Variants in CCSER1 observed in about 807,000 individuals in gnomAD.
CCSER1 encodes coiled-coil serine rich protein 1, also known as serine-rich coiled-coil domain-containing protein 1.
In CCSER1, 41 loss-of-function variants were observed where a neutral mutation model predicts 82.0. That is an observed-to-expected ratio of 0.50 (90% confidence interval 0.39 to 0.65). CCSER1 has a LOEUF of 0.65. Among genes scored for constraint, CCSER1 ranks in the 30% least tolerant of loss-of-function variants. The pLI is 0.00. For missense variants in CCSER1, 1,119 were observed against 1,064.2 expected, an observed-to-expected ratio of 1.05 and a Z score of -0.72; for synonymous variants, 414 against 383.9, an observed-to-expected ratio of 1.08 and a Z score of -0.92.
At chr4:90,822,843 ACTTTAATAACAGCC>A (rs1759946446) in intron 8 of CCSER1, among the ~76,000 whole-genome samples, 1 of 152,168 alleles carries the variant, frequency 6.6e-6, no homozygotes, top group African/African-American at 2.4e-5. Flanking sequence ...TAAAATAAAC[ACTTTAATAACAGCC>A]CTTAATAACA....
chr4:91,276,189 G>T (rs1467504884), intron 10 of CCSER1, among the ~76,000 whole-genome samples: 10 of 149,756 alleles, frequency 6.7e-5, no homozygotes, highest in Admixed American at 6.6e-4. Context: ...TTCTATTTCT[G>T]TGAAAAATGA....
chr4:91,432,941 G>A (rs1005058959), intron 10 of CCSER1, among the ~76,000 whole-genome samples: 4 of 152,034 alleles, frequency 2.6e-5, no homozygotes, highest in African/African-American at 9.7e-5. Context: ...GATCTAATAC[G>A]AGTATGTATG....
intron 1 of CCSER1, among the ~76,000 whole-genome samples, chr4:90,287,788 C>A (rs1730176888): frequency 6.6e-6 from 1 of 151,804 alleles, no homozygotes; most frequent in Non-Finnish European, 1.5e-5. Flanking sequence ...AAAGAAATTA[C>A]TTACAAGTAA....
chr4:91,325,548 G>C (rs1383450024), intron 10 of CCSER1, among the ~76,000 whole-genome samples: 1 of 152,282 alleles, frequency 6.6e-6, no homozygotes, highest in African/African-American at 2.4e-5. Flanking sequence ...ATCAACATAA[G>C]CTTTGGGCCA....
chr4:91,069,229 G>A (rs1001578388), intron 9 of CCSER1, among the ~76,000 whole-genome samples: 1 of 152,066 alleles, frequency 6.6e-6, no homozygotes, highest in African/African-American at 2.4e-5. Context: ...GAATTTTATA[G>A]CCAATAGAGA....
chr4:91,066,773 C>A (rs956664560), intron 9 of CCSER1, among the ~76,000 whole-genome samples: 12 of 152,104 alleles, frequency 7.9e-5, no homozygotes, highest in African/African-American at 2.9e-4. Context: ...TTTTTCCATG[C>A]TAACATTCTA....
At chr4:90,157,021 C>T (rs913622600) in intron 1 of CCSER1, among the ~76,000 whole-genome samples, 1 of 152,138 alleles carries the variant, frequency 6.6e-6, no homozygotes, top group Non-Finnish European at 1.5e-5. Context: ...CCTGTTGTTC[C>T]TTTCCATGTT....
intron 3 of CCSER1, among the ~76,000 whole-genome samples, chr4:90,339,051 T>C (rs185050960): frequency 6.6e-6 from 1 of 152,342 alleles, no homozygotes; most frequent in Admixed American, 6.5e-5. Context: ...TTTTCATAAA[T>C]TGTTTATATA....
At chr4:91,109,633 A>T (rs777622167) in intron 10 of CCSER1, among the ~76,000 whole-genome samples, 24 of 152,192 alleles carry the variant, frequency 1.6e-4, no homozygotes, top group Non-Finnish European at 3.2e-4. Context: ...TGTTGAAAAT[A>T]ATAGTTCAAG....
chr4:90,476,890 T>G (rs932772594), intron 5 of CCSER1, among the ~76,000 whole-genome samples: 5 of 152,186 alleles, frequency 3.3e-5, no homozygotes, highest in African/African-American at 1.2e-4. Flanking sequence ...TTCAGATAAG[T>G]TGGGACAACC....
At chr4:90,833,903 C>A (rs1761456931) in intron 8 of CCSER1, among the ~76,000 whole-genome samples, 1 of 152,046 alleles carries the variant, frequency 6.6e-6, no homozygotes, top group Non-Finnish European at 1.5e-5. Context: ...TATTATAAAG[C>A]TAATTCAGCC....
At chr4:90,819,999 A>C (rs1759522964) in intron 8 of CCSER1, among the ~76,000 whole-genome samples, 1 of 152,212 alleles carries the variant, frequency 6.6e-6, no homozygotes, top group African/African-American at 2.4e-5. Context: ...AAACTAGTTC[A>C]CAGCATGGAA....
At chr4:91,307,952 T>A (rs917868182) in intron 10 of CCSER1, among the ~76,000 whole-genome samples, 4 of 134,614 alleles carry the variant, frequency 3.0e-5, no homozygotes, top group Non-Finnish European at 4.8e-5. Flanking sequence ...GTTTTCCTCA[T>A]GATCTGAGAG....
At chr4:91,211,266 G>A (rs186767050) in intron 10 of CCSER1, among the ~76,000 whole-genome samples, 70 of 152,154 alleles carry the variant, frequency 4.6e-4, no homozygotes, top group South Asian at 1.2e-3. Flanking sequence ...AGCAAGTGGT[G>A]AGAATCTGTT....
intron 6 of CCSER1, among the ~76,000 whole-genome samples, chr4:90,656,827 G>C (rs942741080): frequency 6.6e-6 from 1 of 151,830 alleles, no homozygotes; most frequent in Non-Finnish European, 1.5e-5. Context: ...TAGTGGTTAT[G>C]ATAGAGATAT....
At chr4:90,779,905 C>T (rs540582783) in intron 7 of CCSER1, among the ~76,000 whole-genome samples, 24 of 152,264 alleles carry the variant, frequency 1.6e-4, no homozygotes, top group Non-Finnish European at 2.8e-4. Context: ...TGAAAACCAA[C>T]GCCAATCCTG....
intron 10 of CCSER1, among the ~76,000 whole-genome samples, chr4:91,309,937 G>A (rs1243754899): frequency 6.6e-6 from 1 of 151,876 alleles, no homozygotes. Flanking sequence ...CCAAGATCAA[G>A]GTATTGGCAG....
intron 10 of CCSER1, among the ~76,000 whole-genome samples, chr4:91,576,900 A>G (rs912742451): frequency 2.6e-5 from 4 of 151,966 alleles, no homozygotes; most frequent in Admixed American, 2.6e-4. Flanking sequence ...GAGGTGATGG[A>G]TATAATCATT....
intron 4 of CCSER1, among the ~76,000 whole-genome samples, chr4:90,451,912 A>ATT (rs1761510622): frequency 4.6e-5 from 7 of 152,206 alleles, no homozygotes; most frequent in Admixed American, 4.6e-4. Flanking sequence ...ACACTTAATG[A>ATT]GAGACCCATT....
Sources: allele counts gnomAD v4.1 joint callset (sites outside exome capture counted in the v4.1 genomes callset), GRCh38; gene constraint gnomAD v4.1.1; transcripts MANE v1.5; gene names NCBI Gene and HGNC (gene_info 2026-07-23, HGNC 2026-07-21).